The following TPTE2 variants were observed in gnomAD, a reference collection of about 807,000 sequenced individuals.
TPTE2 encodes transmembrane phosphoinositide 3-phosphatase and tensin homolog 2, also known as phosphatidylinositol 3,4,5-trisphosphate 3-phosphatase TPTE2.
TPTE2 carries 53 observed loss-of-function variants against 78.6 expected under a neutral mutation model. That is an observed-to-expected ratio of 0.67 (90% CI 0.54 to 0.85). The LOEUF is 0.85. TPTE2 is among the 40% of genes least tolerant of loss of function. The pLI is 0.00. For missense variants in TPTE2, 461 were observed against 623.0 expected, an observed-to-expected ratio of 0.74 and a Z score of 2.77; for synonymous variants, 175 against 206.2, an observed-to-expected ratio of 0.85 and a Z score of 1.30.
chr13:19,485,497 T>C (rs1298879788), intron 3 of TPTE2, among the ~76,000 whole-genome samples: 1 of 152,164 alleles, frequency 6.6e-6, no homozygotes, highest in Non-Finnish European at 1.5e-5. Context: ...CTTTGATTTT[T>C]CACAATTTGA....
chr13:19,463,211 G>C (rs1325437465), intron 10 of TPTE2, among the ~76,000 whole-genome samples: 1 of 151,718 alleles, frequency 6.6e-6, no homozygotes, highest in Non-Finnish European at 1.5e-5. Flanking sequence ...TGAACTCCTG[G>C]CCTCAAGTGA....
chr13:19,451,470 C>T (rs960884928), intron 10 of TPTE2, among the ~76,000 whole-genome samples: 13 of 152,256 alleles, frequency 8.5e-5, no homozygotes, highest in African/African-American at 3.1e-4. Context: ...CTGTTTAAAG[C>T]TATCACATAA....
At chr13:19,500,418 C>T (rs1476776487) in intron 1 of TPTE2, among the ~76,000 whole-genome samples, 3 of 151,706 alleles carry the variant, frequency 2.0e-5, no homozygotes, top group South Asian at 4.2e-4. Flanking sequence ...ACTGGCAAAC[C>T]GAATCCAGCA....
chr13:19,518,566 A>C (rs1169965903), intron 1 of TPTE2, among the ~76,000 whole-genome samples: 1 of 152,238 alleles, frequency 6.6e-6, no homozygotes, highest in Non-Finnish European at 1.5e-5. Context: ...AAACCATTAG[A>C]TACCTATTAG....
At chr13:19,490,502 T>C (rs1880931771) in intron 3 of TPTE2, among the ~76,000 whole-genome samples, 1 of 152,224 alleles carries the variant, frequency 6.6e-6, no homozygotes, top group Non-Finnish European at 1.5e-5. Context: ...GAATCAAGTT[T>C]ATATACATTT....
chr13:19,428,401 T>C (rs797010352), intron 17 of TPTE2, among the ~76,000 whole-genome samples: 9 of 152,146 alleles, frequency 5.9e-5, no homozygotes, highest in African/African-American at 1.4e-4. Context: ...TGAGCTGAGA[T>C]TGTGACAGTG....
At chr13:19,459,579 A>C (rs569346593) in intron 10 of TPTE2, among the ~76,000 whole-genome samples, 24 of 152,346 alleles carry the variant, frequency 1.6e-4, no homozygotes, top group Admixed American at 1.1e-3. Context: ...CAAAGCCAGC[A>C]GGTTGGAGTG....
At chr13:19,510,393 G>T (rs1326799334) in intron 1 of TPTE2, among the ~76,000 whole-genome samples, 2 of 149,378 alleles carry the variant, frequency 1.3e-5, no homozygotes, top group Non-Finnish European at 2.9e-5. Context: ...ACTGACACGT[G>T]CAGAGATCAA....
chr13:19,482,840 GATATATA>G (rs1880442604), intron 3 of TPTE2, among the ~76,000 whole-genome samples: 1 of 150,570 alleles, frequency 6.6e-6, no homozygotes, highest in Admixed American at 6.6e-5. Context: ...TATGTATACA[GATATATA>G]ATATATAAAT....
intron 6 of TPTE2, among the ~76,000 whole-genome samples, chr13:19,468,553 T>C (rs1034627122): frequency 6.6e-6 from 1 of 152,164 alleles, no homozygotes; most frequent in African/African-American, 2.4e-5. Context: ...TGCTGGATCA[T>C]ATGGTAGTTC....
upstream of TPTE2, among the ~76,000 whole-genome samples, chr13:19,537,564 GTTTGTT>G (rs549228039): frequency 0.034 from 561 of 16,272 alleles, 3 homozygotes; most frequent in African/African-American, 0.04. Flanking sequence ...AAGTTTGTTT[GTTTGTT>G]TGTTTGTTTG....
intron 1 of TPTE2, among the ~76,000 whole-genome samples, chr13:19,523,011 T>C (rs754995243): frequency 6.6e-6 from 1 of 152,164 alleles, no homozygotes; most frequent in Non-Finnish European, 1.5e-5. Flanking sequence ...TGCCTCTGAT[T>C]GTCTTCAACA....
intron 1 of TPTE2, among the ~76,000 whole-genome samples, chr13:19,528,895 G>A (rs61955184): frequency 0.74 from 112,268 of 151,936 alleles, 44,064 homozygotes; most frequent in East Asian, 0.96. Context: ...TGAGGTGGGC[G>A]GATCACCTGA....
chr13:19,502,317 T>C (rs1868638198), intron 1 of TPTE2, among the ~76,000 whole-genome samples: 2 of 150,906 alleles, frequency 1.3e-5, no homozygotes, highest in Non-Finnish European at 2.9e-5. Flanking sequence ...CAAAGGACTA[T>C]CAATCATGCT....
chr13:19,423,818 C>A (rs776206734), intron 19 of TPTE2, among the ~76,000 whole-genome samples: 2 of 152,090 alleles, frequency 1.3e-5, no homozygotes, highest in African/African-American at 2.4e-5. Flanking sequence ...CCAAAATGAA[C>A]GCAGTGTTTT....
intron 17 of TPTE2, among the ~76,000 whole-genome samples, chr13:19,429,152 T>C (rs1593344274): frequency 6.6e-6 from 1 of 152,222 alleles, no homozygotes; most frequent in East Asian, 1.9e-4. Flanking sequence ...CTGCTCTACC[T>C]ACAATTTTTC....
intron 1 of TPTE2, among the ~76,000 whole-genome samples, chr13:19,502,660 A>AG (rs1240704615): frequency 5.1e-5 from 4 of 78,310 alleles, no homozygotes; most frequent in East Asian, 4.1e-4. Context: ...GGGTAGGGGG[A>AG]GGGGGGAGGG....
At chr13:19,473,999 A>C (rs762855310) in exon 6 of TPTE2, 2 of 1,610,098 alleles carry the variant, frequency 1.2e-6, no homozygotes, top group South Asian at 2.2e-5. Flanking sequence ...AAAGGAATAT[A>C]AAGTTTGCTG....
At chr13:19,498,547 T>G (rs1881541856) in intron 1 of TPTE2, among the ~76,000 whole-genome samples, 1 of 151,704 alleles carries the variant, frequency 6.6e-6, no homozygotes, top group Admixed American at 6.6e-5. Context: ...CCAGCCAAAC[T>G]AAGCTTCATA....
Sources: gnomAD v4.1 joint callset for allele counts (sites outside exome capture counted in the v4.1 genomes callset) on GRCh38, gnomAD v4.1.1 for gene constraint, MANE v1.5 for transcripts, NCBI Gene and HGNC (gene_info 2026-07-23, HGNC 2026-07-21) for gene names.